The following C4orf50 variants were observed in gnomAD, a reference collection of about 807,000 sequenced individuals.
C4orf50 encodes the protein uncharacterized protein C4orf50.
C4orf50 carries 80 observed loss-of-function variants against 77.2 expected under a neutral mutation model. That is an observed-to-expected ratio of 1.04 (90% confidence interval 0.87 to 1.25). The LOEUF is 1.25. Among genes scored for constraint, C4orf50 ranks in the 50% most tolerant of loss-of-function variants. The pLI is 0.00. For missense variants in C4orf50, 1,257 were observed against 1,152.9 expected (o/e 1.09, Z -1.31); for synonymous variants, 532 against 465.3 (o/e 1.14, Z -1.84).
chr4:5,981,963 G>A (rs979686813), intron 28 of C4orf50, among the ~76,000 whole-genome samples: 3 of 152,120 alleles, frequency 2.0e-5, no homozygotes, highest in African/African-American at 7.2e-5. Flanking sequence ...AAAAAGAGAC[G>A]AGGGAGAAGA....
At chr4:5,972,253 C>A (rs1304403122) in intron 31 of C4orf50, among the ~76,000 whole-genome samples, 1 of 152,076 alleles carries the variant, frequency 6.6e-6, no homozygotes, top group African/African-American at 2.4e-5. Context: ...TCTGTCCGCC[C>A]CGGCCTCCCA....
At chr4:5,990,341 C>T in exon 28 of C4orf50, 1 of 677,348 alleles carries the variant, frequency 1.5e-6, no homozygotes, top group African/African-American at 1.9e-5. Flanking sequence ...CCCTTCCTGC[C>T]CAAAGTCCCC....
intron 29 of C4orf50, among the ~76,000 whole-genome samples, chr4:5,979,689 G>A (rs1720465183): frequency 6.6e-6 from 1 of 152,240 alleles, no homozygotes. Flanking sequence ...CATTTTGCCC[G>A]GTTTCCCCCA....
At chr4:5,994,246 C>T (rs964842516) in intron 26 of C4orf50, 101 bp downstream of exon 4, 1 of 397,502 alleles carries the variant, frequency 2.5e-6, no homozygotes, top group Non-Finnish European at 4.4e-6. Flanking sequence ...GGGACCACCC[C>T]CTCTCCCTGC....
intron 7 of C4orf50, among the ~76,000 whole-genome samples, chr4:5,931,830 C>T (rs1717781835): frequency 2.0e-5 from 3 of 152,128 alleles, no homozygotes; most frequent in Admixed American, 2.0e-4. Context: ...ATCACCACCC[C>T]GGGGTGTCAC....
intron 25 of C4orf50, among the ~76,000 whole-genome samples, chr4:5,995,077 A>G (rs2009049): frequency 4.6e-5 from 7 of 151,972 alleles, no homozygotes; most frequent in Non-Finnish European, 1.0e-4. Flanking sequence ...CCATGAAACC[A>G]GTCCCTGGTG....
rs1470045754 is a variant in C4orf50 at position 5,905,859 on chromosome 4, C to T, written c.*2475-7671G>A. On this transcript the variant is annotated intron_variant, in intron 7 of 7. Transcript: ENST00000324058. This position sits in a 1 kb window ranked among gnomAD's most constrained non-coding sequence, Gnocchi z 5.4. ...TCTGGGATGTCGTCATTTGTTCGTC[C>T]AACAAAAAGTGATGGGACACCTGCT... is the stretch of plus-strand genomic sequence containing the variant. Among the ~76,000 whole-genome samples the T allele has an allele frequency of 4.4e-5, 6 of 136,304 alleles. No individual in the cohort carries two copies. Among genetic ancestry groups the T allele is most frequent in the Non-Finnish European group, 7.6e-5 (5 of 65,856 alleles). The allele number at this position is 136,304 out of a possible 152,430, so 89.4% of individuals were successfully genotyped here. A position where few individuals can be genotyped will look rare whatever the true frequency, so the allele number is the denominator to read the frequency against.
rs1722336128 is a variant in C4orf50, at chr4:6,008,294, T to G, written c.665A>C (p.Gln222Pro). Residue 222 changes from glutamine (Q) to proline (P), a missense_variant, in exon 25 of 34, where the codon CAG (glutamine) becomes CCG (proline). Transcript: ENST00000531445. This position sits in a 1 kb window ranked among gnomAD's most constrained non-coding sequence, Gnocchi z 6.0. ...GGAGCCTGGGGCCGCGGTGTCCCAC[T>G]GGGCCAGCAGGAGGCCCGCGGCGCG... 6 of 390,358 alleles carry G rather than the reference T, an allele frequency of 1.5e-5. No homozygotes were observed. The Admixed American group carries it at 2.7e-4, about 17-fold the overall frequency. The allele number at this position is 390,358 out of a possible 1,614,324, so 24.2% of individuals were successfully genotyped here.
At chr4:5,936,562 C>CAAAAAAAAAAAAAAA (rs374200584) in intron 7 of C4orf50, among the ~76,000 whole-genome samples, 3 of 75,400 alleles carry the variant, frequency 4.0e-5, no homozygotes, top group Non-Finnish European at 7.0e-5. Context: ...GACGCCATCT[C>CAAAAAAAAAAAAAAA]AAAAAAAAAA....
intron 7 of C4orf50, among the ~76,000 whole-genome samples, chr4:5,945,874 T>C (rs1280769343): frequency 6.6e-6 from 1 of 152,104 alleles, no homozygotes; most frequent in Non-Finnish European, 1.5e-5. Flanking sequence ...CCCAGTTTCA[T>C]CCATTCTCTG....
intron 7 of C4orf50, chr4:5,899,568 A>G (rs1187445158): frequency 6.6e-6 from 1 of 152,240 alleles, no homozygotes; most frequent in Non-Finnish European, 1.5e-5. Context: ...CAGAGATGAG[A>G]AGTTTCCTCC....
intron 30 of C4orf50, 88 bp from the exon 9 acceptor site, chr4:5,973,929 G>A: frequency 9.2e-7 from 1 of 1,087,540 alleles, no homozygotes; most frequent in Non-Finnish European, 1.3e-6. Flanking sequence ...GTCAGCTGAG[G>A]CCCCTACTCA....
exon 31 of C4orf50, chr4:5,973,752 C>T (rs767198775): frequency 3.1e-6 from 5 of 1,613,976 alleles, no homozygotes; most frequent in East Asian, 4.5e-5. Flanking sequence ...GCAGGAGGTT[C>T]CCCAGCCCAT....
chr4:5,988,515 A>C, exon 28 of C4orf50: 2 of 1,538,962 alleles, frequency 1.3e-6, no homozygotes, highest in Non-Finnish European at 1.7e-6. Context: ...GAGGGGGAGA[A>C]TCAGCACCGC....
intron 7 of C4orf50, among the ~76,000 whole-genome samples, chr4:5,923,964 G>T (rs1333215903): frequency 6.6e-6 from 1 of 152,176 alleles, no homozygotes; most frequent in African/African-American, 2.4e-5. Flanking sequence ...GAGTCTTCCA[G>T]CCTTCATCTT....
rs1042653507 is a variant in C4orf50, at chr4:5,932,114, T to C, written c.*2474+24787A>G. 7.4e-6 allele frequency among the ~76,000 whole-genome samples: 1 copy of C among 135,214 alleles called. No homozygotes were observed. Among genetic ancestry groups the C allele is most frequent in the Non-Finnish European group, 1.5e-5 (1 of 65,786 alleles). The allele number at this position is 135,214 out of a possible 152,430, so 88.7% of individuals were successfully genotyped here. A position where few individuals can be genotyped will look rare whatever the true frequency, so the allele number is the denominator to read the frequency against. On this transcript the variant is annotated intron_variant, in intron 7 of 7. Coordinates refer to the C4orf50 transcript ENST00000324058. The surrounding 1 kb of genome is among the most constrained non-coding windows in gnomAD (Gnocchi z 4.2). ...CAATGTTTGGCCTCTTGCCCCCCTC[T>C]CAGCTGAGGAAGGCAGGTGTAACTC... is the stretch of plus-strand genomic sequence containing the variant.
At chr4:5,960,937 C>G (rs987843807) in intron 33 of C4orf50, among the ~76,000 whole-genome samples, 1 of 152,130 alleles carries the variant, frequency 6.6e-6, no homozygotes, top group Non-Finnish European at 1.5e-5. Context: ...CACCTGAGGT[C>G]AGGAGTTCGA....
downstream of C4orf50, among the ~76,000 whole-genome samples, chr4:5,952,284 T>C (rs1430503073): frequency 2.0e-5 from 3 of 152,142 alleles, no homozygotes; most frequent in Non-Finnish European, 4.4e-5. The surrounding 1 kb of genome is among the most constrained non-coding windows in gnomAD (Gnocchi z 4.4). Flanking sequence ...GATCAATAGA[T>C]AAGAAGAGGA....
intron 7 of C4orf50, chr4:5,903,349 G>A (rs1716417681): frequency 6.6e-6 from 1 of 152,152 alleles, no homozygotes; most frequent in Admixed American, 6.5e-5. Flanking sequence ...GTACACCTGT[G>A]TTCATAGGAG....
Sources: allele counts gnomAD v4.1 joint callset (sites outside exome capture counted in the v4.1 genomes callset), GRCh38; gene constraint gnomAD v4.1.1; non-coding constraint Gnocchi (gnomAD v3.1); transcripts MANE v1.5; gene names NCBI Gene and HGNC (gene_info 2026-07-23, HGNC 2026-07-21).